Variants in MDGA2 observed in about 807,000 individuals in gnomAD.
The protein encoded by MDGA2 is MAM domain-containing glycosylphosphatidylinositol anchor protein 2.
Under a neutral mutation model 117.8 loss-of-function variants are expected in MDGA2, and 40 were observed. That is an observed-to-expected ratio of 0.34 (90% CI 0.26 to 0.44). MDGA2 has a LOEUF of 0.44. Among genes scored for constraint, MDGA2 ranks in the 20% least tolerant of loss-of-function variants. The pLI, the probability that MDGA2 is intolerant of heterozygous loss-of-function variation, is 1.00. For missense variants in MDGA2, 1,123 were observed against 1,250.6 expected, an observed-to-expected ratio of 0.90 and a Z score of 1.54; for synonymous variants, 452 against 439.0, an observed-to-expected ratio of 1.03 and a Z score of -0.37.
At chr14:47,038,433 T>C (rs551075779) in intron 7 of MDGA2, among the ~76,000 whole-genome samples, 6 of 152,306 alleles carry the variant, frequency 3.9e-5, no homozygotes, top group African/African-American at 1.4e-4. Flanking sequence ...CTATAATTTT[T>C]TTAAATGTTA....
At position 47,540,075 on chromosome 14, in the gene MDGA2, C is replaced by G. The variant is rs532138735; in HGVS notation, c.280+134442G>C. Among the ~76,000 whole-genome samples, 125 of 152,198 alleles carry G rather than the reference C, an allele frequency of 8.2e-4. No homozygotes were observed. The East Asian group carries it at 0.023, about 28-fold the overall frequency. On this transcript the variant is annotated intron_variant, in intron 1 of 16. Coordinates refer to ENST00000399232, the MANE Select transcript of MDGA2 (RefSeq NM_001113498.3). ...CCGCCCAGGCTGGAGTGCGGTGGCA[C>G]GATCTCGGCTCACTGCAGGCTCCGC...
chr14:47,043,018 A>T (rs2138686036), intron 7 of MDGA2, among the ~76,000 whole-genome samples: 1 of 152,240 alleles, frequency 6.6e-6, no homozygotes, highest in Non-Finnish European at 1.5e-5. Context: ...GATACAAGGC[A>T]AATTTGAGAA....
At chr14:46,953,045 C>T (rs889544517) in intron 9 of MDGA2, among the ~76,000 whole-genome samples, 16 of 151,778 alleles carry the variant, frequency 1.1e-4, no homozygotes, top group Admixed American at 9.2e-4. Flanking sequence ...GAATATAAGG[C>T]TTAAGAAGTG....
At chr14:47,667,955 A>C (rs1329364498) in intron 1 of MDGA2, among the ~76,000 whole-genome samples, 1 of 152,220 alleles carries the variant, frequency 6.6e-6, no homozygotes, top group African/African-American at 2.4e-5. Context: ...AAAGTTGTAG[A>C]GACACAAAGT....
At chr14:47,304,222 T>TA (rs1256229081) in intron 1 of MDGA2, among the ~76,000 whole-genome samples, 2 of 152,138 alleles carry the variant, frequency 1.3e-5, no homozygotes, top group Non-Finnish European at 2.9e-5. Flanking sequence ...GAAAGGACCT[T>TA]AGAGTTCATA....
intron 8 of MDGA2, among the ~76,000 whole-genome samples, chr14:46,991,895 A>C (rs1408460988): frequency 6.6e-6 from 1 of 152,146 alleles, no homozygotes; most frequent in Non-Finnish European, 1.5e-5. Flanking sequence ...ATTCAGGATA[A>C]GACTCTCTTG....
At chr14:46,845,196 T>G (rs1481602526) in intron 16 of MDGA2, among the ~76,000 whole-genome samples, 4 of 152,212 alleles carry the variant, frequency 2.6e-5, no homozygotes, top group Non-Finnish European at 5.9e-5. Flanking sequence ...CTGATGATTT[T>G]ATAAGGGGCA....
intron 2 of MDGA2, among the ~76,000 whole-genome samples, chr14:47,218,547 A>G (rs1886184911): frequency 6.6e-6 from 1 of 151,998 alleles, no homozygotes; most frequent in African/African-American, 2.4e-5. Context: ...TGTTTTTCAT[A>G]TTTTCCAAAC....
chr14:47,176,933 A>G (rs1250251055), intron 3 of MDGA2, among the ~76,000 whole-genome samples: 6 of 152,178 alleles, frequency 3.9e-5, no homozygotes, highest in Non-Finnish European at 7.3e-5. Context: ...AGAATCTACA[A>G]TGAACTCAAA....
chr14:47,004,334 T>C (rs1309601657), intron 8 of MDGA2, among the ~76,000 whole-genome samples: 2 of 151,856 alleles, frequency 1.3e-5, no homozygotes, highest in Non-Finnish European at 2.9e-5. Context: ...TTTAAAACAC[T>C]ATCCTTTCTC....
At chr14:46,856,126 G>C (rs980958300) in intron 14 of MDGA2, among the ~76,000 whole-genome samples, 8 of 151,998 alleles carry the variant, frequency 5.3e-5, no homozygotes, top group Non-Finnish European at 1.0e-4. Flanking sequence ...AGAAAACTTA[G>C]AGGGGTTAAA....
At chr14:47,104,897 A>G (rs1880559102) in intron 5 of MDGA2, among the ~76,000 whole-genome samples, 1 of 151,648 alleles carries the variant, frequency 6.6e-6, no homozygotes, top group African/African-American at 2.4e-5. Context: ...TCTCCTTTCA[A>G]TCTTGGTGCC....
At chr14:47,603,117 G>A (rs1419737359) in intron 1 of MDGA2, among the ~76,000 whole-genome samples, 1 of 152,106 alleles carries the variant, frequency 6.6e-6, no homozygotes, top group Non-Finnish European at 1.5e-5. Context: ...ACCCCAATAA[G>A]AATTGGGACC....
intron 16 of MDGA2, among the ~76,000 whole-genome samples, chr14:46,843,861 G>C (rs1346629444): frequency 6.6e-6 from 1 of 152,086 alleles, no homozygotes; most frequent in Non-Finnish European, 1.5e-5. Flanking sequence ...TAATTGATGA[G>C]TAATTTGTGT....
intron 1 of MDGA2, among the ~76,000 whole-genome samples, chr14:47,526,518 C>T (rs1361843382): frequency 6.6e-6 from 1 of 152,114 alleles, no homozygotes; most frequent in African/African-American, 2.4e-5. Flanking sequence ...TTCCTAGGCA[C>T]TAAACTCTAA....
intron 5 of MDGA2, among the ~76,000 whole-genome samples, chr14:47,103,160 A>G (rs1340399597): frequency 6.6e-6 from 1 of 152,250 alleles, no homozygotes; most frequent in Non-Finnish European, 1.5e-5. Flanking sequence ...CATAGAACAC[A>G]TACATATGCT....
At chr14:47,410,160 G>A (rs1200816219) in intron 1 of MDGA2, among the ~76,000 whole-genome samples, 1 of 145,648 alleles carries the variant, frequency 6.9e-6, no homozygotes, top group Non-Finnish European at 1.5e-5. Context: ...TAGAAGACAT[G>A]CCTATAAGTT....
chr14:46,998,695 A>C (rs1161028309), intron 8 of MDGA2, among the ~76,000 whole-genome samples: 3 of 152,150 alleles, frequency 2.0e-5, no homozygotes, highest in Non-Finnish European at 4.4e-5. Context: ...AGAGAATTTT[A>C]AAGTTTATGT....
At chr14:47,374,688 C>T (rs557228148) in intron 1 of MDGA2, among the ~76,000 whole-genome samples, 3 of 152,104 alleles carry the variant, frequency 2.0e-5, no homozygotes, top group African/African-American at 4.8e-5. Context: ...GCAAGAAAAA[C>T]ACAGACTGGA....
Sources: allele counts gnomAD v4.1 joint callset (sites outside exome capture counted in the v4.1 genomes callset), GRCh38; gene constraint gnomAD v4.1.1; transcripts MANE v1.5; gene names NCBI Gene and HGNC (gene_info 2026-07-23, HGNC 2026-07-21).